The following PPP1R21 variants were observed in gnomAD, a reference collection of about 807,000 sequenced individuals.
PPP1R21 encodes the protein protein phosphatase 1 regulatory subunit 21, also known as KLRAQ motif containing 1.
Under a neutral mutation model 112.8 loss-of-function variants are expected in PPP1R21, and 85 were observed. The ratio of observed to expected loss-of-function variants is 0.75; its 90% CI spans 0.63 to 0.90. The LOEUF is 0.90. PPP1R21 is among the 40% of genes least tolerant of loss of function. PPP1R21 has a pLI of 0.00. For missense variants in PPP1R21, 1,199 were observed against 901.5 expected, an observed-to-expected ratio of 1.33 and a Z score of -4.23; for synonymous variants, 381 against 322.3, an observed-to-expected ratio of 1.18 and a Z score of -1.95.
At chr2:48,493,039 C>T (rs557417955) in intron 15 of PPP1R21, among the ~76,000 whole-genome samples, 172 of 105,770 alleles carry the variant, frequency 1.6e-3, no homozygotes, top group African/African-American at 5.7e-3. Flanking sequence ...TTTTTTGAGA[C>T]GGAGTCTTGC....
At chr2:48,464,512 C>T (rs748086758) in intron 7 of PPP1R21, among the ~76,000 whole-genome samples, 21 of 152,132 alleles carry the variant, frequency 1.4e-4, no homozygotes, top group Non-Finnish European at 2.6e-4. Flanking sequence ...TCCACAGTGG[C>T]AGACAGTGAT....
In PPP1R21 at chr2:48,448,856, G is replaced by T. The variant is rs1402285920; in HGVS notation, c.58-2152G>T. 2.0e-5 allele frequency among the ~76,000 whole-genome samples: 3 copies of T among 152,266 alleles called. No homozygotes were observed. In the East Asian group the frequency reaches 5.8e-4, roughly 29 times the overall value. The stretch of plus-strand genomic sequence containing the variant: ...AATATTTTAGGCTTGAGGCTATGTG[G>T]TTTCTGTTGCAACTGCTCGTCTCTT... On this transcript the variant is annotated intron_variant, in intron 1 of 21. Transcript: ENST00000294952.
rs879643946 is a variant in PPP1R21 at position 48,509,933 on chromosome 2, G to T, written c.2086-82G>T. ...GAATGAGTAGCTTTGGCTTTGAGAA[G>T]TGTTTTTAACAAACTTTCCCGAAGC... On this transcript the variant is annotated intron_variant, in intron 19 of 21. Coordinates refer to ENST00000294952, the MANE Select transcript of PPP1R21 (RefSeq NM_001135629.3). 7.0e-6 allele frequency: 6 copies of T among 861,508 alleles called. 1 individual carries two copies. Among genetic ancestry groups the T allele is most frequent in the Middle Eastern group, 4.6e-4 (2 of 4,390 alleles). The allele number at this position is 861,508 out of a possible 1,614,324, so 53.4% of individuals were successfully genotyped here.
intron 13 of PPP1R21, among the ~76,000 whole-genome samples, chr2:48,485,423 A>C (rs1558486939): frequency 6.6e-6 from 1 of 152,140 alleles, no homozygotes; most frequent in Non-Finnish European, 1.5e-5. Context: ...TGTAATAGTA[A>C]TTTGCCAATT....
intron 17 of PPP1R21, 58 bp from the exon 18 acceptor site, chr2:48,505,506 C>A: frequency 1.6e-6 from 2 of 1,259,594 alleles, no homozygotes; most frequent in South Asian, 1.3e-5. Context: ...AGCGTTTGAT[C>A]TATTGTGCTT....
intron 13 of PPP1R21, among the ~76,000 whole-genome samples, chr2:48,480,677 G>A (rs547571202): frequency 6.6e-5 from 10 of 152,130 alleles, no homozygotes; most frequent in African/African-American, 2.2e-4. Flanking sequence ...TCCTTTTAGA[G>A]ACTGTTGGGG....
intron 1 of PPP1R21, among the ~76,000 whole-genome samples, chr2:48,446,903 A>G (rs1290137137): frequency 6.6e-6 from 1 of 152,090 alleles, no homozygotes; most frequent in Non-Finnish European, 1.5e-5. Flanking sequence ...TGCGCCTGCC[A>G]CCATGCCCGG....
chr2:48,453,289 C>A (rs1364352023), intron 2 of PPP1R21, among the ~76,000 whole-genome samples: 1 of 151,910 alleles, frequency 6.6e-6, no homozygotes, highest in Non-Finnish European at 1.5e-5. Context: ...ATCATCTGTT[C>A]GTTAAAGCAT....
intron 20 of PPP1R21, 25 bp downstream of exon 20, chr2:48,510,138 T>C: frequency 1.4e-5 from 22 of 1,549,356 alleles, no homozygotes; most frequent in Non-Finnish European, 1.9e-5. Flanking sequence ...ACCTGAATGG[T>C]TTTAATGTTT....
intron 12 of PPP1R21, among the ~76,000 whole-genome samples, chr2:48,478,413 G>A (rs1456285982): frequency 6.6e-6 from 1 of 152,156 alleles, no homozygotes; most frequent in Non-Finnish European, 1.5e-5. Flanking sequence ...GTGCCATGAT[G>A]TTGCTTCTCA....
Position 48,510,847 on chromosome 2 carries a change from C to T in PPP1R21, c.2185-493C>T, listed in dbSNP as rs143410158. 4.1e-3 allele frequency among the ~76,000 whole-genome samples: 618 copies of T among 152,312 alleles called. 1 individual carries two copies. Among genetic ancestry groups the T allele is most frequent in the African/African-American group, 0.014 (572 of 41,564 alleles). On this transcript the variant is annotated intron_variant, in intron 20 of 21. Transcript: ENST00000294952. ...TAATGAGGCCATATGGCTTTTCTTA[C>T]AATTTTATACCTGGCATAGAAAGAA...
At chr2:48,505,357 A>G (rs957701680) in intron 17 of PPP1R21, among the ~76,000 whole-genome samples, 6 of 152,250 alleles carry the variant, frequency 3.9e-5, no homozygotes, top group African/African-American at 1.4e-4. Flanking sequence ...GGTGATGATC[A>G]TTATTGGTTA....
At chr2:48,504,297 T>A (rs1011343713) in intron 17 of PPP1R21, among the ~76,000 whole-genome samples, 2 of 152,214 alleles carry the variant, frequency 1.3e-5, no homozygotes, top group African/African-American at 4.8e-5. Context: ...TCAGTTGATA[T>A]ACTCTCAGTG....
intron 21 of PPP1R21, among the ~76,000 whole-genome samples, chr2:48,512,376 G>A (rs1268471469): frequency 6.8e-6 from 1 of 147,388 alleles, no homozygotes; most frequent in East Asian, 1.9e-4. Flanking sequence ...ATCATCTCAT[G>A]TGCTTAGTCC....
chr2:48,464,723 T>G (rs963101461), intron 7 of PPP1R21, among the ~76,000 whole-genome samples: 1 of 151,986 alleles, frequency 6.6e-6, no homozygotes, highest in Admixed American at 6.6e-5. Context: ...TTTGTTTGGG[T>G]TTTTTTTAAG....
In PPP1R21 at chr2:48,479,944, C is replaced by T. The variant is rs1396493130; in HGVS notation, c.1246C>T (p.Leu416Phe). Residue 416 changes from leucine (L) to phenylalanine (F), a missense_variant, in exon 13 of 22, where the codon CTT (leucine) becomes TTT (phenylalanine). Physicochemically the swap from Leu to Phe is conservative, Grantham distance 22 (BLOSUM62 0). Coordinates refer to ENST00000294952, the MANE Select transcript of PPP1R21 (RefSeq NM_001135629.3). ...ALPSTEPDGL[L>F]RTNYSSVLTN... ...CCTAGGTACAGAGCCAGATGGACTC[C>T]TTCGGACAAACTACAGTTCTGTGTT... is the stretch of plus-strand genomic sequence containing the variant. 1 of 1,612,044 alleles carries T rather than the reference C, an allele frequency of 6.2e-7. No homozygotes were observed.
At chr2:48,511,187 A>G (rs1670620709) in intron 20 of PPP1R21, among the ~76,000 whole-genome samples, 153 bp from the exon 21 acceptor site, 1 of 152,198 alleles carries the variant, frequency 6.6e-6, no homozygotes, top group Non-Finnish European at 1.5e-5. Flanking sequence ...TGGGAACATA[A>G]TAATTCTTCT....
chr2:48,452,587 A>G (rs2103763931), intron 2 of PPP1R21, among the ~76,000 whole-genome samples: 1 of 151,708 alleles, frequency 6.6e-6, no homozygotes, highest in African/African-American at 2.4e-5. Flanking sequence ...TACAGTAGTC[A>G]TTGTAATTAT....
chr2:48,447,611 C>T (rs1667303489), intron 1 of PPP1R21, among the ~76,000 whole-genome samples: 1 of 152,112 alleles, frequency 6.6e-6, no homozygotes, highest in African/African-American at 2.4e-5. Flanking sequence ...GTTCATTTGC[C>T]TCCCCTCTGT....
Sources: allele counts gnomAD v4.1 joint callset (sites outside exome capture counted in the v4.1 genomes callset), GRCh38; gene constraint gnomAD v4.1.1; transcripts MANE v1.5; gene names NCBI Gene and HGNC (gene_info 2026-07-23, HGNC 2026-07-21).